The following PLA2G7 variants were observed in gnomAD, a reference collection of about 807,000 sequenced individuals.
PLA2G7 encodes platelet-activating factor acetylhydrolase.
PLA2G7 carries 63 observed loss-of-function variants against 49.6 expected under a neutral mutation model. The ratio of observed to expected loss-of-function variants is 1.27; its 90% CI spans 1.04 to 1.57. The LOEUF is 1.57. PLA2G7 is among the 40% of genes most tolerant of loss of function. The probability of loss-of-function intolerance (pLI) is 0.00; values close to 1 mark genes in which losing one functional copy is unlikely to be tolerated. For synonymous variants in PLA2G7, 193 were observed against 169.9 expected (o/e 1.14, Z -1.06); for missense variants, 596 against 521.2 (o/e 1.14, Z -1.40).
rs769412798 is a variant in PLA2G7 at position 46,704,464 on chromosome 6, TCTCTCTCTCTCTCTCACACA to T, written c.*76_*95del. ...AATTCTCTCTCTCTCTCTCTCTCTC[TCTCTCTCTCTCTCTCACACA>T]CACACACACACACACACACACACAC... On this transcript the variant is annotated 3_prime_UTR_variant, in exon 12 of 12. Coordinates refer to ENST00000274793, the MANE Select transcript of PLA2G7 (RefSeq NM_005084.4). 7.3e-3 allele frequency: 4,341 copies of T among 597,194 alleles called. 10 individuals carry two copies. Among genetic ancestry groups the T allele is most frequent in the Admixed American group, 0.011 (430 of 39,750 alleles). The allele number at this position is 597,194 out of a possible 1,614,324, so 37.0% of individuals were successfully genotyped here.
At chr6:46,721,539 T>C (rs973883170) in intron 2 of PLA2G7, among the ~76,000 whole-genome samples, 16 of 151,702 alleles carry the variant, frequency 1.1e-4, no homozygotes, top group African/African-American at 2.9e-4. Context: ...AGGATATAAA[T>C]GTTTCCCGAA....
chr6:46,706,402 G>C (rs1328048449), intron 10 of PLA2G7, among the ~76,000 whole-genome samples: 1 of 152,244 alleles, frequency 6.6e-6, no homozygotes, highest in Non-Finnish European at 1.5e-5. Flanking sequence ...TGGATGATCT[G>C]ACTGTAGAGA....
At chr6:46,724,103 C>G (rs1028725830) in intron 1 of PLA2G7, among the ~76,000 whole-genome samples, 2 of 152,160 alleles carry the variant, frequency 1.3e-5, no homozygotes, top group Non-Finnish European at 2.9e-5. Context: ...TCCAGTGATA[C>G]TTTCTCAGTG....
chr6:46,729,456 A>G (rs1277750273), intron 1 of PLA2G7, among the ~76,000 whole-genome samples: 2 of 152,250 alleles, frequency 1.3e-5, no homozygotes, highest in African/African-American at 4.8e-5. Context: ...AATGAATAAA[A>G]TATGGTAGAA....
At chr6:46,727,421 A>G (rs1765608499) in intron 1 of PLA2G7, among the ~76,000 whole-genome samples, 1 of 152,214 alleles carries the variant, frequency 6.6e-6, no homozygotes, top group Non-Finnish European at 1.5e-5. Context: ...TTGTGTTATT[A>G]GTAAAGAGTC....
intron 1 of PLA2G7, among the ~76,000 whole-genome samples, chr6:46,726,769 G>A (rs1269319820): frequency 1.3e-5 from 2 of 151,992 alleles, no homozygotes; most frequent in African/African-American, 4.8e-5. Context: ...AGCCTTCTGA[G>A]TAGCTGGGAT....
intron 2 of PLA2G7, among the ~76,000 whole-genome samples, chr6:46,720,689 A>G (rs1003832408): frequency 2.6e-5 from 4 of 152,246 alleles, no homozygotes; most frequent in African/African-American, 9.6e-5. Flanking sequence ...TTCAGAATTT[A>G]TAAATGTCTC....
chr6:46,731,961 C>T (rs1370940001), intron 1 of PLA2G7, among the ~76,000 whole-genome samples: 1 of 152,250 alleles, frequency 6.6e-6, no homozygotes, highest in East Asian at 1.9e-4. Context: ...CCTCTCCTTC[C>T]CCTGTAATCC....
intron 4 of PLA2G7, among the ~76,000 whole-genome samples, chr6:46,714,798 C>A (rs928709842): frequency 6.8e-6 from 1 of 147,624 alleles, no homozygotes; most frequent in African/African-American, 2.5e-5. Context: ...TGCAATGGCA[C>A]AATCTCGGCT....
intron 2 of PLA2G7, among the ~76,000 whole-genome samples, chr6:46,719,936 T>C (rs1250845431): frequency 6.6e-6 from 1 of 152,232 alleles, no homozygotes; most frequent in South Asian, 2.1e-4. Flanking sequence ...AAACTTTACC[T>C]GCAAGGTGAA....
In PLA2G7 at chr6:46,728,382, G is replaced by T. The variant is rs74460385; in HGVS notation, c.-34-5457C>A. 4.1e-3 allele frequency among the ~76,000 whole-genome samples: 623 copies of T among 152,334 alleles called. 6 individuals are homozygous for T. The highest frequency in any genetic ancestry group is 0.013 in the African/African-American group (561 of 41,576). ...TAAGCATCCTGTAGTGCACAGGACA[G>T]CCCTACAACATAGAGGAATCTCAAA... is the stretch of plus-strand genomic sequence containing the variant. On this transcript the variant is annotated intron_variant, in intron 1 of 11. Transcript: ENST00000274793.
intron 2 of PLA2G7, among the ~76,000 whole-genome samples, chr6:46,722,258 C>T (rs993503524): frequency 6.6e-6 from 1 of 152,196 alleles, no homozygotes; most frequent in Non-Finnish European, 1.5e-5. Flanking sequence ...CTTGTCCCTA[C>T]TTCTCTCTAT....
chr6:46,732,986 T>A (rs1028387675), intron 1 of PLA2G7, among the ~76,000 whole-genome samples: 6 of 152,074 alleles, frequency 3.9e-5, no homozygotes, highest in Non-Finnish European at 5.9e-5. Flanking sequence ...TGAAAAAAAA[T>A]TAGGCTTAAG....
Position 46,714,169 on chromosome 6 carries a change from G to A in PLA2G7, c.470+291C>T, listed in dbSNP as rs113461937. On this transcript the variant is annotated intron_variant, in intron 5 of 11. Coordinates refer to ENST00000274793, the MANE Select transcript of PLA2G7 (RefSeq NM_005084.4). ...TTTCTCAAAAGTTCTAAACTTTACA[G>A]AGGATAATTTTAAGAGTGTAAATAT... is the stretch of plus-strand genomic sequence containing the variant. 2.6e-3 allele frequency among the ~76,000 whole-genome samples: 394 copies of A among 152,270 alleles called. 1 individual carries two copies. Among genetic ancestry groups the A allele is most frequent in the African/African-American group, 9.1e-3 (378 of 41,538 alleles).
intron 10 of PLA2G7, among the ~76,000 whole-genome samples, chr6:46,706,498 G>A (rs917184409): frequency 6.6e-6 from 1 of 152,224 alleles, no homozygotes; most frequent in Non-Finnish European, 1.5e-5. Context: ...AAGGGAGCAG[G>A]AAGAGGGGTG....
chr6:46,729,487 A>G (rs1765668889), intron 1 of PLA2G7, among the ~76,000 whole-genome samples: 1 of 152,266 alleles, frequency 6.6e-6, no homozygotes, highest in African/African-American at 2.4e-5. Flanking sequence ...GTGTTTGTAC[A>G]TACAGTTACC....
At chr6:46,722,744 G>T in intron 2 of PLA2G7, 39 bp downstream of exon 2, 1 of 1,207,122 alleles carries the variant, frequency 8.3e-7, no homozygotes, top group South Asian at 1.2e-5. Context: ...TATGGCGACA[G>T]ATCAGTTGCT....
intron 1 of PLA2G7, among the ~76,000 whole-genome samples, chr6:46,727,223 C>G (rs528451790): frequency 2.0e-5 from 3 of 152,144 alleles, no homozygotes; most frequent in Admixed American, 1.3e-4. Context: ...CCACAAATCC[C>G]GATTTCCCCT....
At chr6:46,710,921 A>G (rs922785824) in intron 7 of PLA2G7, among the ~76,000 whole-genome samples, 3 of 152,214 alleles carry the variant, frequency 2.0e-5, no homozygotes, top group African/African-American at 4.8e-5. Context: ...CATTGATTGT[A>G]TAATAATTCC....
Sources: gnomAD v4.1 joint callset for allele counts (sites outside exome capture counted in the v4.1 genomes callset) on GRCh38, gnomAD v4.1.1 for gene constraint, MANE v1.5 for transcripts, NCBI Gene and HGNC (gene_info 2026-07-23, HGNC 2026-07-21) for gene names.